Variants in EPSTI1 observed in about 807,000 individuals in gnomAD.
EPSTI1 encodes the protein epithelial stromal interaction 1, also known as epithelial-stromal interaction protein 1.
A neutral mutation model predicts 49.9 loss-of-function variants in EPSTI1; 66 were observed. The ratio of observed to expected loss-of-function variants is 1.32; its 90% CI spans 1.08 to 1.62. The LOEUF is 1.62. EPSTI1 is among the 40% of genes most tolerant of loss of function. EPSTI1 has a pLI of 0.00. For synonymous variants in EPSTI1, 137 were observed against 130.7 expected (o/e 1.05, Z -0.33); for missense variants, 394 against 365.5 (o/e 1.08, Z -0.64).
chr13:42,936,885 C>T (rs1488727530), intron 6 of EPSTI1, among the ~76,000 whole-genome samples: 3 of 152,130 alleles, frequency 2.0e-5, no homozygotes, highest in Non-Finnish European at 2.9e-5. Context: ...TAGTAGCCCC[C>T]ATCTCAGTAC....
At chr13:42,946,864 T>C (rs964555544) in intron 6 of EPSTI1, among the ~76,000 whole-genome samples, 2 of 152,212 alleles carry the variant, frequency 1.3e-5, no homozygotes, top group Admixed American at 6.5e-5. Context: ...CTGGGTTACA[T>C]GCTCCTTATG....
chr13:42,888,514 A>G lies in EPSTI1; in HGVS notation c.916-12T>C. Reference sequence around the variant, plus strand: ...TTTTCTCATATACCCTGGAAGAAAAAGAAAACAAAAATTACTGCAAGCAGC... The same window carrying G: ...TTTTCTCATATACCCTGGAAGAAAAGGAAAACAAAAATTACTGCAAGCAGC... On this transcript the variant is annotated splice_polypyrimidine_tract_variant and intron_variant, in intron 10 of 10. Transcript: ENST00000313624. 5 of 1,580,180 alleles carry G rather than the reference A, an allele frequency of 3.2e-6. No individual in the cohort carries two copies. Among genetic ancestry groups the G allele is most frequent in the Non-Finnish European group, 4.3e-6 (5 of 1,165,608 alleles).
At chr13:42,947,418 G>A (rs2038950545) in intron 6 of EPSTI1, among the ~76,000 whole-genome samples, 1 of 152,150 alleles carries the variant, frequency 6.6e-6, no homozygotes, top group Non-Finnish European at 1.5e-5. Flanking sequence ...GTCTAGCATG[G>A]AGCCTTCTTC....
At chr13:42,939,382 G>A (rs899943026) in intron 6 of EPSTI1, among the ~76,000 whole-genome samples, 2 of 152,130 alleles carry the variant, frequency 1.3e-5, no homozygotes, top group African/African-American at 4.8e-5. Flanking sequence ...TTTTCAACAT[G>A]CCTCCGCACA....
chr13:42,909,002 A>G (rs535317279), intron 8 of EPSTI1, among the ~76,000 whole-genome samples: 14 of 152,108 alleles, frequency 9.2e-5, no homozygotes, highest in African/African-American at 3.4e-4. Flanking sequence ...CTGAGGCAGG[A>G]GAATCTCTTG....
intron 8 of EPSTI1, among the ~76,000 whole-genome samples, chr13:42,912,252 G>A (rs937518260): frequency 6.6e-6 from 1 of 152,214 alleles, no homozygotes; most frequent in African/African-American, 2.4e-5. Flanking sequence ...GGAGCTCCAG[G>A]AGGGAATACT....
chr13:42,910,988 A>G (rs1381414486), intron 8 of EPSTI1, among the ~76,000 whole-genome samples: 3 of 152,232 alleles, frequency 2.0e-5, no homozygotes, highest in African/African-American at 7.2e-5. Context: ...GTAAAGATTA[A>G]AATTTATCAA....
At chr13:42,945,061 A>G (rs2038878330) in intron 6 of EPSTI1, among the ~76,000 whole-genome samples, 1 of 152,120 alleles carries the variant, frequency 6.6e-6, no homozygotes, top group Admixed American at 6.5e-5. Context: ...TAAATCACCT[A>G]CGTATTAGTC....
At chr13:42,926,561 G>A (rs117982928) in intron 6 of EPSTI1, 132 bp from the exon 7 acceptor site, 8,804 of 698,704 alleles carry the variant, frequency 0.013, 86 homozygotes, top group Non-Finnish European at 0.016. Flanking sequence ...AGAAAGTTAC[G>A]TTGAGAACAA....
intron 6 of EPSTI1, among the ~76,000 whole-genome samples, chr13:42,929,798 A>C (rs1394813350): frequency 6.6e-6 from 1 of 151,568 alleles, no homozygotes; most frequent in African/African-American, 2.5e-5. Flanking sequence ...TGTGTTTGAA[A>C]TGTTTCTTAA....
chr13:42,910,954 CA>C (rs138391996), intron 8 of EPSTI1, among the ~76,000 whole-genome samples: 11,759 of 152,156 alleles, frequency 0.077, 553 homozygotes, highest in South Asian at 0.16. Context: ...ATTTTTAGTT[CA>C]CTGAAGTGTT....
intron 8 of EPSTI1, among the ~76,000 whole-genome samples, chr13:42,901,435 A>G (rs1035391123): frequency 6.6e-6 from 1 of 152,232 alleles, no homozygotes; most frequent in African/African-American, 2.4e-5. Context: ...CCTAAAGCAC[A>G]TTACTTAACC....
intron 9 of EPSTI1, among the ~76,000 whole-genome samples, chr13:42,900,069 G>A (rs2037310237): frequency 6.6e-6 from 1 of 152,158 alleles, no homozygotes; most frequent in East Asian, 1.9e-4. Context: ...GTTTTCTAAT[G>A]TGAGTTTATA....
intron 7 of EPSTI1, among the ~76,000 whole-genome samples, chr13:42,921,824 G>A (rs1025582813): frequency 6.6e-6 from 1 of 151,510 alleles, no homozygotes; most frequent in Non-Finnish European, 1.5e-5. Context: ...CAAACACCCA[G>A]GACAGGTTAA....
rs188954147 is a variant in EPSTI1 at position 42,975,756 on chromosome 13, C to A, written c.189-5086G>T. 1.1e-4 allele frequency among the ~76,000 whole-genome samples: 17 copies of A among 152,102 alleles called. No homozygotes were observed. In the South Asian group the frequency reaches 1.9e-3, roughly 17 times the overall value. ...ACCAATCTGCACAACCATATAGAAT[C>A]GACCTGAGATGATGTATTTCTTCAC... On this transcript the variant is annotated intron_variant, in intron 1 of 10. Coordinates refer to ENST00000313624, the MANE Select transcript of EPSTI1 (RefSeq NM_033255.5).
At chr13:42,936,135 C>G (rs74410405) in intron 6 of EPSTI1, among the ~76,000 whole-genome samples, 1 of 152,132 alleles carries the variant, frequency 6.6e-6, no homozygotes, top group Non-Finnish European at 1.5e-5. Context: ...TATGTATACT[C>G]AGGAACTTAT....
chr13:42,896,830 G>A (rs1035939325), intron 9 of EPSTI1, among the ~76,000 whole-genome samples: 6 of 152,156 alleles, frequency 3.9e-5, no homozygotes, highest in African/African-American at 1.4e-4. Flanking sequence ...ATGGGGTGAG[G>A]TGTGGTGGCT....
chr13:42,961,729 G>A (rs538122597), intron 5 of EPSTI1, among the ~76,000 whole-genome samples: 1 of 152,288 alleles, frequency 6.6e-6, no homozygotes, highest in African/African-American at 2.4e-5. Context: ...CTTCTTTTGG[G>A]AGAGAAGGAA....
chr13:42,959,457 A>T (rs1017449283), intron 5 of EPSTI1, among the ~76,000 whole-genome samples: 1 of 152,198 alleles, frequency 6.6e-6, no homozygotes, highest in South Asian at 2.1e-4. Context: ...TGTTGAGTTT[A>T]CCCCTAAAAT....
Sources: gnomAD v4.1 joint callset for allele counts (sites outside exome capture counted in the v4.1 genomes callset) on GRCh38, gnomAD v4.1.1 for gene constraint, MANE v1.5 for transcripts, NCBI Gene and HGNC (gene_info 2026-07-23, HGNC 2026-07-21) for gene names.